Variants in ADARB1 observed in about 807,000 individuals in gnomAD.
ADARB1 encodes double-stranded RNA-specific editase 1.
Under a neutral mutation model 52.4 loss-of-function variants are expected in ADARB1, and 10 were observed. The ratio of observed to expected loss-of-function variants is 0.19; its 90% CI spans 0.12 to 0.32. The LOEUF (loss-of-function observed/expected upper bound fraction) is 0.32, where lower values mean the gene tolerates loss of function less well. ADARB1 is among the 10% of genes least tolerant of loss of function. The pLI, the probability that ADARB1 is intolerant of heterozygous loss-of-function variation, is 1.00. For missense variants in ADARB1, 643 were observed against 922.3 expected, an observed-to-expected ratio of 0.70 and a Z score of 3.92; for synonymous variants, 349 against 371.1, an observed-to-expected ratio of 0.94 and a Z score of 0.68.
intron 2 of ADARB1, chr21:45,144,774 T>C: frequency 5.5e-6 from 2 of 362,824 alleles, no homozygotes; most frequent in Non-Finnish European, 1.1e-5. Flanking sequence ...CAGGGCACCT[T>C]TCCACTTGCT....
rs544960930 is a variant in ADARB1, at chr21:45,176,876, C to A, written c.963+212C>A. Among the ~76,000 whole-genome samples, 1 of 152,174 alleles carries A rather than the reference C, an allele frequency of 6.6e-6. No individual in the cohort carries two copies. Among genetic ancestry groups the A allele is most frequent in the Non-Finnish European group, 1.5e-5 (1 of 68,034 alleles). On this transcript the variant is annotated intron_variant, in intron 4 of 10. Coordinates refer to ENST00000348831, the MANE Select transcript of ADARB1 (RefSeq NM_001112.4). This position sits in a 1 kb window ranked among gnomAD's most constrained non-coding sequence, Gnocchi z 5.8. The stretch of plus-strand genomic sequence containing the variant: ...GCATCCTAGTGCATGCTGGGTCTGT[C>A]GCAATGCAAGGCAGGGACACCTGAG...
At chr21:45,113,491 G>A (rs868080148) in intron 1 of ADARB1, among the ~76,000 whole-genome samples, 68 of 119,568 alleles carry the variant, frequency 5.7e-4, no homozygotes, top group African/African-American at 1.9e-3. Context: ...GTGTGTGTGT[G>A]TATATATGTG....
intron 1 of ADARB1, among the ~76,000 whole-genome samples, chr21:45,083,887 G>T (rs1462798666): frequency 6.6e-6 from 1 of 152,156 alleles, no homozygotes; most frequent in African/African-American, 2.4e-5. Flanking sequence ...TTTTTGTAGA[G>T]ACGGGGTTTT....
At chr21:45,173,029 T>C (rs1327421687) in intron 3 of ADARB1, among the ~76,000 whole-genome samples, 2 of 152,214 alleles carry the variant, frequency 1.3e-5, no homozygotes, top group Non-Finnish European at 1.5e-5. Context: ...ACGGAGCATG[T>C]GCAGGGGTCC....
rs1207839946 is a variant in ADARB1, at chr21:45,222,011, T to G, written c.1927-7T>G. The G allele has an allele frequency of 6.2e-7, 1 of 1,613,290 alleles. No homozygotes were observed. The highest frequency in any genetic ancestry group is 8.5e-7 in the Non-Finnish European group (1 of 1,179,632). The stretch of plus-strand genomic sequence containing the variant: ...ACAGTTGCATTTGTTTTTTTATCCC[T>G]TCACAGGTTCCCTCCCACTTACTAC... On this transcript the variant is annotated splice_region_variant and splice_polypyrimidine_tract_variant and intron_variant, in intron 10 of 10. Coordinates refer to ENST00000348831, the MANE Select transcript of ADARB1 (RefSeq NM_001112.4).
rs752385206 is a variant in ADARB1, at chr21:45,176,126, T to C, written c.425T>C (p.Phe142Ser). The C allele has an allele frequency of 2.5e-6, 4 of 1,614,006 alleles. No homozygotes were observed. The South Asian group carries it at 3.3e-5, about 13-fold the overall frequency. ...LHAAEKALRSFVQFPNASEAH... is the reference protein window; with the variant it reads ...LHAAEKALRSSVQFPNASEAH... ...GCTGCTGAGAAGGCCTTGAGGTCTT[T>C]CGTTCAGTTTCCTAATGCCTCTGAG... Residue 142 changes from phenylalanine (F) to serine (S), a missense_variant, in exon 4 of 11, where the codon TTC becomes TCC. Transcript: ENST00000348831. This position sits in a 1 kb window ranked among gnomAD's most constrained non-coding sequence, Gnocchi z 5.8.
intron 1 of ADARB1, among the ~76,000 whole-genome samples, chr21:45,111,455 A>G (rs1453682604): frequency 6.6e-6 from 1 of 151,982 alleles, no homozygotes; most frequent in Non-Finnish European, 1.5e-5. Flanking sequence ...TGATGACCCC[A>G]TGTTGACACC....
chr21:45,099,107 A>C (rs922061712), intron 1 of ADARB1, among the ~76,000 whole-genome samples: 2 of 152,116 alleles, frequency 1.3e-5, no homozygotes, highest in African/African-American at 4.8e-5. Flanking sequence ...TTGGGACTGA[A>C]ATTTAGCCGT....
At chr21:45,082,523 G>C (rs1004164439) in intron 1 of ADARB1, among the ~76,000 whole-genome samples, 1 of 152,074 alleles carries the variant, frequency 6.6e-6, no homozygotes, top group Non-Finnish European at 1.5e-5. Flanking sequence ...TCTTCTTCAG[G>C]GTCCTTGTAA....
chr21:45,117,300 T>C (rs2087885081), intron 1 of ADARB1, among the ~76,000 whole-genome samples: 1 of 152,186 alleles, frequency 6.6e-6, no homozygotes, highest in Non-Finnish European at 1.5e-5. Context: ...TGGTTTGCTT[T>C]TTGTGCCAGC....
In ADARB1 at chr21:45,182,764, T is replaced by C; in HGVS notation, c.1247+11T>C. On this transcript the variant is annotated intron_variant, in intron 6 of 10. Transcript: ENST00000348831. ...TGAGCTTTACTTAAAGTAAGTTTAG[T>C]AAACAAATAAGGACAGGAAGCTCTT... is the stretch of plus-strand genomic sequence containing the variant. The C allele has an allele frequency of 1.1e-5, 17 of 1,568,564 alleles. No homozygotes were observed. The highest frequency in any genetic ancestry group is 1.5e-5 in the Non-Finnish European group (17 of 1,159,770).
At chr21:45,158,782 G>A (rs1046682479) in intron 2 of ADARB1, among the ~76,000 whole-genome samples, 1 of 152,192 alleles carries the variant, frequency 6.6e-6, no homozygotes, top group Non-Finnish European at 1.5e-5. Context: ...ATGCTAGAAT[G>A]TACAGGGCAT....
chr21:45,148,849 C>T (rs1048182951), intron 2 of ADARB1, among the ~76,000 whole-genome samples: 28 of 152,366 alleles, frequency 1.8e-4, no homozygotes, highest in African/African-American at 6.7e-4. Flanking sequence ...GCTTCTCTCT[C>T]CACCCATGCC....
intron 9 of ADARB1, among the ~76,000 whole-genome samples, chr21:45,219,261 C>T (rs1453424933): frequency 6.6e-6 from 1 of 152,208 alleles, no homozygotes; most frequent in Non-Finnish European, 1.5e-5. Context: ...TGTGGTGGCT[C>T]ATGCCTGTAA....
rs887837038 is a variant in ADARB1 at position 45,200,238 on chromosome 21, C to G, written c.1566-4317C>G. ...TGGTAGGTTGGGGGTGGGGTGGGAGCCACAGCACTGCCATTGGAGGTCACC... is the reference window on the plus strand; with the variant it reads ...TGGTAGGTTGGGGGTGGGGTGGGAGGCACAGCACTGCCATTGGAGGTCACC... On this transcript the variant is annotated intron_variant, in intron 8 of 10. Coordinates refer to ENST00000348831, the MANE Select transcript of ADARB1 (RefSeq NM_001112.4). This position sits in a 1 kb window ranked among gnomAD's most constrained non-coding sequence, Gnocchi z 5.0. Among the ~76,000 whole-genome samples the G allele has an allele frequency of 1.3e-5, 2 of 152,182 alleles. No individual in the cohort carries two copies. Among genetic ancestry groups the G allele is most frequent in the African/African-American group, 4.8e-5 (2 of 41,450 alleles).
intron 2 of ADARB1, among the ~76,000 whole-genome samples, chr21:45,152,868 G>C (rs995970469): frequency 3.9e-5 from 6 of 151,970 alleles, no homozygotes; most frequent in Non-Finnish European, 8.8e-5. Context: ...GCATTTTATA[G>C]AATTTTAGAT....
At chr21:45,078,539 C>T (rs968218863) in intron 1 of ADARB1, among the ~76,000 whole-genome samples, 7 of 152,158 alleles carry the variant, frequency 4.6e-5, no homozygotes, top group South Asian at 4.1e-4. Flanking sequence ...GCTGAGGTCA[C>T]GGCAGCAGCA....
At chr21:45,205,310 A>G (rs1267290184) in intron 9 of ADARB1, among the ~76,000 whole-genome samples, 1 of 152,200 alleles carries the variant, frequency 6.6e-6, no homozygotes, top group East Asian at 1.9e-4. Flanking sequence ...AAAGAATGAA[A>G]TTATGACTGG....
chr21:45,215,941 T>C (rs79111403), intron 9 of ADARB1, among the ~76,000 whole-genome samples: 7,715 of 152,254 alleles, frequency 0.051, 292 homozygotes, highest in East Asian at 0.15. Context: ...AGTGAAACCA[T>C]TGGGCCTGAA....
Sources: allele counts gnomAD v4.1 joint callset (sites outside exome capture counted in the v4.1 genomes callset), GRCh38; gene constraint gnomAD v4.1.1; non-coding constraint Gnocchi (gnomAD v3.1); transcripts MANE v1.5; gene names NCBI Gene and HGNC (gene_info 2026-07-23, HGNC 2026-07-21).